Variants in ACAD10 observed in about 807,000 individuals in gnomAD.
The protein encoded by ACAD10 is ACAD-10.
ACAD10 carries 112 observed loss-of-function variants against 116.8 expected under a neutral mutation model. The ratio of observed to expected loss-of-function variants is 0.96; its 90% CI spans 0.82 to 1.12. The LOEUF is 1.12. Ranked by LOEUF, ACAD10 falls within the 50% of genes most tolerant of loss-of-function variation. The probability of loss-of-function intolerance (pLI) is 0.00; values close to 1 mark genes in which losing one functional copy is unlikely to be tolerated. For synonymous variants in ACAD10, 486 were observed against 510.6 expected (o/e 0.95, Z 0.65); for missense variants, 1,259 against 1,350.2 (o/e 0.93, Z 1.06).
chr12:111,735,656 C>T (rs932297566), intron 11 of ACAD10, among the ~76,000 whole-genome samples: 2 of 152,026 alleles, frequency 1.3e-5, no homozygotes, highest in Non-Finnish European at 2.9e-5. Flanking sequence ...GGGGTTTCAC[C>T]GTGTTAGCCA....
intron 12 of ACAD10, among the ~76,000 whole-genome samples, chr12:111,742,143 A>C (rs1889762311): frequency 6.6e-6 from 1 of 152,232 alleles, no homozygotes; most frequent in African/African-American, 2.4e-5. Context: ...ATATACCAGA[A>C]GCAATAGATC....
chr12:111,712,472 C>T (rs1888713135), intron 5 of ACAD10, 26 bp from the exon 6 acceptor site: 2 of 1,593,698 alleles, frequency 1.3e-6, no homozygotes, highest in Non-Finnish European at 1.7e-6. Context: ...AAAAAATATA[C>T]ATCTACATAT....
chr12:111,737,796 G>C (rs947901260), intron 12 of ACAD10, among the ~76,000 whole-genome samples: 1 of 152,032 alleles, frequency 6.6e-6, no homozygotes, highest in South Asian at 2.1e-4. Flanking sequence ...TGAAATATGT[G>C]TGTGACCATT....
chr12:111,730,007 G>A (rs780460902), intron 10 of ACAD10, 51 bp downstream of exon 10: 3 of 1,586,332 alleles, frequency 1.9e-6, no homozygotes, highest in Non-Finnish European at 2.6e-6. Flanking sequence ...GATGCTCCAA[G>A]GGGGAATTGA....
At chr12:111,756,210 A>G in intron 20 of ACAD10, 123 bp from the exon 21 acceptor site, 1 of 1,445,958 alleles carries the variant, frequency 6.9e-7, no homozygotes, top group Non-Finnish European at 9.0e-7. Flanking sequence ...TGTATCACAT[A>G]GGTGCCACAG....
chr12:111,750,976 A>C (rs1890058237), intron 18 of ACAD10, among the ~76,000 whole-genome samples: 1 of 152,134 alleles, frequency 6.6e-6, no homozygotes. Context: ...CTGTCTATGG[A>C]CTCAGGTATG....
Position 111,744,859 on chromosome 12 carries a change from C to T in ACAD10, c.1931C>T (p.Pro644Leu), listed in dbSNP as rs1439715636. The part of the protein sequence containing the change: ...RSYSSVPEAS[P>L]AHTSRGGLVI... ...TATAGCTCCGTTCCAGAAGCTTCCC[C>T]AGCTCATACCTCAAGGGGAGGTCTG... Residue 644 changes from proline (P) to leucine (L), a missense_variant, in exon 13 of 21, where the codon CCA becomes CTA. Pro to Leu is a moderately conservative substitution (Grantham distance 98). Coordinates refer to ENST00000313698, the MANE Select transcript of ACAD10 (RefSeq NM_025247.6). 1 of 1,614,100 alleles carries T rather than the reference C, an allele frequency of 6.2e-7. No homozygotes were observed. Among genetic ancestry groups the T allele is most frequent in the African/African-American group, 1.3e-5 (1 of 74,934 alleles).
intron 10 of ACAD10, among the ~76,000 whole-genome samples, chr12:111,731,648 C>T (rs1277381720): frequency 6.6e-6 from 1 of 152,244 alleles, no homozygotes; most frequent in Non-Finnish European, 1.5e-5. Flanking sequence ...AAGGCATCCT[C>T]TGATTTTAGA....
chr12:111,719,177 G>T (rs537794745), intron 7 of ACAD10, among the ~76,000 whole-genome samples: 59 of 152,214 alleles, frequency 3.9e-4, no homozygotes, highest in African/African-American at 7.0e-4. Flanking sequence ...ATATTTGGGG[G>T]TTTTTTTCTT....
chr12:111,728,086 T>G lies in ACAD10; in HGVS notation c.1186T>G (p.Cys396Gly). Residue 396 changes from cysteine (C) to glycine (G), a missense_variant, in exon 9 of 21, where the codon TGC becomes GGC. Cys to Gly is a radical substitution (Grantham distance 159). Coordinates refer to ENST00000313698, the MANE Select transcript of ACAD10 (RefSeq NM_025247.6). ...AIYTAMNTVLCKIHSVDLQAV... is the reference protein window; with the variant it reads ...AIYTAMNTVLGKIHSVDLQAV... ...ATACACTGCCATGAACACAGTCCTG[T>G]GCAAAATTCACAGTGTGGATCTGCA... The G allele has an allele frequency of 6.2e-7, 1 of 1,613,784 alleles. No individual in the cohort carries two copies. Among genetic ancestry groups the G allele is most frequent in the Non-Finnish European group, 8.5e-7 (1 of 1,179,874 alleles).
intron 6 of ACAD10, 80 bp downstream of exon 6, chr12:111,712,737 G>A (rs1888723325): frequency 6.9e-7 from 1 of 1,454,522 alleles, no homozygotes; most frequent in Non-Finnish European, 9.5e-7. Flanking sequence ...CAACCCTAAT[G>A]GAATGGGCTG....
Position 111,702,249 on chromosome 12 carries a change from T to C in ACAD10, c.275T>C (p.Met92Thr), listed in dbSNP as rs767038504. The change falls in exon 3 of 21, where the codon ATG becomes ACG. Residue 92 changes from methionine (M) to threonine (T), a missense_variant. Met to Thr is a moderately conservative substitution (Grantham distance 81). Transcript: ENST00000313698. ...GAAAATGGGCCCTGGATGAGATTTA[T>C]GAGAGCAGAAATAACAGCAGAGGGT... ...GGENGPWMRFMRAEITAEGFL... is the reference protein window; with the variant it reads ...GGENGPWMRFTRAEITAEGFL... 1 of 1,614,152 alleles carries C rather than the reference T, an allele frequency of 6.2e-7. No individual in the cohort carries two copies. The highest frequency in any genetic ancestry group is 8.5e-7 in the Non-Finnish European group (1 of 1,180,002).
At position 111,747,147 on chromosome 12, in the gene ACAD10, G is replaced by A. The variant is rs1199966197; in HGVS notation, c.2355G>A (p.Glu785=). The change falls in exon 15 of 21, where the codon GAG becomes GAA. Residue 785 remains glutamate (E), a synonymous_variant. Coordinates refer to ENST00000313698, the MANE Select transcript of ACAD10 (RefSeq NM_025247.6). Reference sequence around the variant, plus strand: ...CTCGCTGGCTGATTCCTCTGCTGGAGGGGAAAGCCCGCTCCTGTTTTGCTA... The same window carrying A: ...CTCGCTGGCTGATTCCTCTGCTGGAAGGGAAAGCCCGCTCCTGTTTTGCTA... ...QKARWLIPLL[E]GKARSCFAMT... is the part of the protein sequence containing the mutation. The A allele has an allele frequency of 1.1e-5, 17 of 1,613,022 alleles. No homozygotes were observed. The highest frequency in any genetic ancestry group is 1.4e-5 in the Non-Finnish European group (17 of 1,179,326).
chr12:111,757,093 C>T lies in ACAD10; in HGVS notation c.*620C>T, dbSNP rs891613976. Reference sequence around the variant, plus strand: ...CACAGAAGAATAAGTAAACACATCTCGGAGGCTTTGTGGACTTTCTGTGTC... The same window carrying T: ...CACAGAAGAATAAGTAAACACATCTTGGAGGCTTTGTGGACTTTCTGTGTC... On this transcript the variant is annotated 3_prime_UTR_variant, in exon 21 of 21. Transcript: ENST00000313698. The T allele has an allele frequency of 2.8e-6, 1 of 352,712 alleles. No homozygotes were observed. Among genetic ancestry groups the T allele is most frequent in the African/African-American group, 2.1e-5 (1 of 46,622 alleles). 21.8% of individuals were successfully genotyped at this position (352,712 alleles called of 1,614,324 possible).
At chr12:111,747,431 G>T in intron 16 of ACAD10, 46 bp downstream of exon 16, 1 of 1,608,808 alleles carries the variant, frequency 6.2e-7, no homozygotes, top group Non-Finnish European at 8.5e-7. Context: ...CAGGGAGTCT[G>T]TGCTGTTAGG....
chr12:111,703,204 C>T (rs143741973), intron 3 of ACAD10, among the ~76,000 whole-genome samples: 19 of 151,964 alleles, frequency 1.3e-4, no homozygotes, highest in South Asian at 2.1e-4. Context: ...GACAAGATAC[C>T]TGGGGGCAAA....
intron 8 of ACAD10, among the ~76,000 whole-genome samples, chr12:111,723,621 G>T (rs680135): frequency 2.3e-5 from 3 of 128,212 alleles, no homozygotes; most frequent in African/African-American, 2.9e-5. Context: ...CCTCCCGGAC[G>T]GGGCGGCTGG....
intron 9 of ACAD10, among the ~76,000 whole-genome samples, chr12:111,728,353 GTCTT>G (rs1240789035): frequency 6.6e-6 from 1 of 151,834 alleles, no homozygotes; most frequent in Non-Finnish European, 1.5e-5. Flanking sequence ...GAACTACACA[GTCTT>G]TCTTCCCTGC....
intron 20 of ACAD10, chr12:111,755,972 C>A: frequency 1.4e-6 from 1 of 707,102 alleles, no homozygotes; most frequent in Non-Finnish European, 2.3e-6. Flanking sequence ...AGTGAAGTGA[C>A]TTGTCCAGGT....
Sources: gnomAD v4.1 joint callset for allele counts (sites outside exome capture counted in the v4.1 genomes callset) on GRCh38, gnomAD v4.1.1 for gene constraint, MANE v1.5 for transcripts, NCBI Gene and HGNC (gene_info 2026-07-23, HGNC 2026-07-21) for gene names.